SORCS2: variants seen among roughly 807,000 people sequenced by gnomAD.
The protein encoded by SORCS2 is VPS10 domain-containing receptor SorCS2.
SORCS2 carries 100 observed loss-of-function variants against 141.6 expected under a neutral mutation model. The ratio of observed to expected loss-of-function variants is 0.71; its 90% CI spans 0.60 to 0.83. The LOEUF is 0.83. Among genes scored for constraint, SORCS2 ranks in the 40% least tolerant of loss-of-function variants. SORCS2 has a pLI of 0.00. For missense variants in SORCS2, 1,646 were observed against 1,560.2 expected (o/e 1.05, Z -0.93); for synonymous variants, 789 against 676.9 (o/e 1.17, Z -2.57).
chr4:7,251,208 G>A (rs1240763162), intron 1 of SORCS2, among the ~76,000 whole-genome samples: 1 of 152,198 alleles, frequency 6.6e-6, no homozygotes, highest in Non-Finnish European at 1.5e-5. Context: ...CCAGCTTCAG[G>A]TGTGGCTTGT....
chr4:7,697,273 A>G lies in SORCS2; in HGVS notation c.1667A>G (p.Gln556Arg). Residue 556 changes from glutamine to arginine, a missense_variant and splice_region_variant, in exon 12 of 27, where the codon CAG (glutamine) becomes CGG (arginine). By Grantham distance (43) the Gln-to-Arg change is conservative. Transcript: ENST00000507866. ...TCAGACTGTGGTCACACCTGGCGGC[A>G]GGTAAGCTGGCTGGGAGGTGCCTGG... ...ITSDCGHTWR[Q>R]VFEEEHHILY... 6.3e-7 allele frequency: 1 copy of G among 1,584,058 alleles called. No homozygotes were observed.
At chr4:7,240,229 A>G (rs1712599495) in intron 1 of SORCS2, among the ~76,000 whole-genome samples, 1 of 152,160 alleles carries the variant, frequency 6.6e-6, no homozygotes, top group Admixed American at 6.5e-5. Context: ...AACACCAGGT[A>G]CCTGCGGGTG....
chr4:7,259,443 A>G lies in SORCS2; in HGVS notation c.480+66317A>G, dbSNP rs563708937. ...TACTCTGTACTCGTAGGCCCAGGGT[A>G]TGTGGCAGGTGTTTGAGAAATGGTT... On this transcript the variant is annotated intron_variant, in intron 1 of 26. Transcript: ENST00000507866. Among the ~76,000 whole-genome samples, 154 of 152,222 alleles carry G rather than the reference A, an allele frequency of 1.0e-3. 1 individual carries two copies. Among genetic ancestry groups the G allele is most frequent in the African/African-American group, 3.6e-3 (151 of 41,552 alleles).
chr4:7,459,030 C>A (rs1310546420), intron 2 of SORCS2, among the ~76,000 whole-genome samples: 1 of 152,050 alleles, frequency 6.6e-6, no homozygotes, highest in Non-Finnish European at 1.5e-5. Context: ...CTGCTGGGCT[C>A]CTAAGGCGCG....
intron 1 of SORCS2, among the ~76,000 whole-genome samples, chr4:7,285,588 C>T (rs899270134): frequency 6.6e-6 from 1 of 152,232 alleles, no homozygotes; most frequent in African/African-American, 2.4e-5. Flanking sequence ...GCGAGCCCCT[C>T]CTTCCCATGC....
At chr4:7,554,789 AG>A (rs1363530666) in intron 3 of SORCS2, among the ~76,000 whole-genome samples, 6 of 152,168 alleles carry the variant, frequency 3.9e-5, no homozygotes, top group Admixed American at 6.5e-5. Context: ...CCCTCCAGAG[AG>A]GGCAATGCAC....
intron 2 of SORCS2, among the ~76,000 whole-genome samples, chr4:7,524,110 C>A (rs777627003): frequency 6.6e-6 from 1 of 152,200 alleles, no homozygotes; most frequent in Non-Finnish European, 1.5e-5. Context: ...TGAATAGAGT[C>A]GCCCCCAAAA....
intron 1 of SORCS2, among the ~76,000 whole-genome samples, chr4:7,296,563 C>T (rs576069838): frequency 5.3e-5 from 8 of 152,320 alleles, no homozygotes; most frequent in Admixed American, 3.3e-4. Context: ...TGAGGCCACT[C>T]GCTCCTGCGA....
In SORCS2 at chr4:7,591,573, G is replaced by A. The variant is rs370457224; in HGVS notation, c.649-46755G>A. Among the ~76,000 whole-genome samples, 45 of 152,336 alleles carry A rather than the reference G, an allele frequency of 3.0e-4. 1 individual carries two copies. In the South Asian group the frequency reaches 8.9e-3, roughly 30 times the overall value. ...CGCTCATGCTCTCCCGGGTGGTCAC[G>A]GGGTCAGCCACTCAGCACACTCAAC... is the stretch of plus-strand genomic sequence containing the variant. On this transcript the variant is annotated intron_variant, in intron 3 of 26. Transcript: ENST00000507866.
intron 2 of SORCS2, among the ~76,000 whole-genome samples, chr4:7,443,322 C>T (rs901916792): frequency 1.3e-5 from 2 of 152,178 alleles, no homozygotes; most frequent in East Asian, 1.9e-4. Flanking sequence ...GGGGAGGCCA[C>T]CTGTGGTGCA....
At chr4:7,316,554 C>T (rs1307060411) in intron 1 of SORCS2, among the ~76,000 whole-genome samples, 2 of 152,160 alleles carry the variant, frequency 1.3e-5, no homozygotes, top group Non-Finnish European at 2.9e-5. Context: ...GGCATCACGA[C>T]CCTGGACAAG....
intron 1 of SORCS2, among the ~76,000 whole-genome samples, chr4:7,343,702 G>GGAA (rs1720498084): frequency 6.6e-6 from 1 of 152,250 alleles, no homozygotes; most frequent in South Asian, 2.1e-4. Context: ...GAGGTCAAGA[G>GGAA]GAAGCACTGT....
At chr4:7,353,444 G>A (rs1721073064) in intron 1 of SORCS2, among the ~76,000 whole-genome samples, 1 of 152,246 alleles carries the variant, frequency 6.6e-6, no homozygotes, top group African/African-American at 2.4e-5. Flanking sequence ...GGTTCAGCCT[G>A]ATATGCGGGT....
At chr4:7,407,859 A>G (rs188775112) in intron 2 of SORCS2, among the ~76,000 whole-genome samples, 182 of 152,158 alleles carry the variant, frequency 1.2e-3, no homozygotes, top group Non-Finnish European at 2.2e-3. Context: ...TTTTTGCATT[A>G]TGGTTATCAT....
intron 3 of SORCS2, among the ~76,000 whole-genome samples, chr4:7,533,563 C>A (rs1315874522): frequency 6.6e-6 from 1 of 152,210 alleles, no homozygotes; most frequent in Non-Finnish European, 1.5e-5. Flanking sequence ...TTCTGGTCAC[C>A]AGCTGGGAGG....
At chr4:7,319,413 A>G (rs530792149) in intron 1 of SORCS2, among the ~76,000 whole-genome samples, 1 of 152,226 alleles carries the variant, frequency 6.6e-6, no homozygotes, top group African/African-American at 2.4e-5. Context: ...TCCATCACAT[A>G]AAAGCATGAG....
intron 2 of SORCS2, among the ~76,000 whole-genome samples, chr4:7,501,357 C>T (rs566896857): frequency 6.6e-6 from 1 of 152,332 alleles, no homozygotes; most frequent in Non-Finnish European, 1.5e-5. Context: ...AGAAGCAGCA[C>T]ACATCCGTGA....
chr4:7,714,344 G>A lies in SORCS2; in HGVS notation c.2094G>A (p.Val698=), dbSNP rs914821587. The part of the protein sequence containing the change: ...RSFTSALTSR[V]CECRDSDFLC... ...TCACGTCGGCGCTCACGTCCCGCGT[G>A]TGCGAGTGCCGGGACTCGGACTTCC... The change falls in exon 16 of 27, where the codon GTG becomes GTA. Residue 698 remains valine (V), a synonymous_variant. Coordinates refer to ENST00000507866, the MANE Select transcript of SORCS2 (RefSeq NM_020777.3). The A allele has an allele frequency of 5.8e-6, 9 of 1,563,616 alleles. No homozygotes were observed. The Admixed American group carries it at 1.1e-4, about 20-fold the overall frequency.
chr4:7,265,040 C>T (rs1004188713), intron 1 of SORCS2, among the ~76,000 whole-genome samples: 2 of 152,230 alleles, frequency 1.3e-5, no homozygotes, highest in African/African-American at 2.4e-5. Context: ...GCCAGGCTTC[C>T]CCGATGCCTC....
Sources: allele counts gnomAD v4.1 joint callset (sites outside exome capture counted in the v4.1 genomes callset), GRCh38; gene constraint gnomAD v4.1.1; transcripts MANE v1.5; gene names NCBI Gene and HGNC (gene_info 2026-07-23, HGNC 2026-07-21).